The following GSR variants were observed in gnomAD, a reference collection of about 807,000 sequenced individuals.
The protein encoded by GSR is glutathione reductase, mitochondrial.
In GSR, 48 loss-of-function variants were observed where a neutral mutation model predicts 56.5. The ratio of observed to expected loss-of-function variants is 0.85; its 90% CI spans 0.67 to 1.08. The LOEUF is 1.08. Ranked by LOEUF, GSR falls within the 50% of genes least tolerant of loss-of-function variation. The pLI, the probability that GSR is intolerant of heterozygous loss-of-function variation, is 0.00. For missense variants in GSR, 694 were observed against 703.3 expected (o/e 0.99, Z 0.15); for synonymous variants, 264 against 270.8 (o/e 0.97, Z 0.25).
At chr8:30,708,180 T>G (rs773895765) in intron 3 of GSR, 39 bp from the exon 4 acceptor site, 18 of 1,440,120 alleles carry the variant, frequency 1.2e-5, no homozygotes, top group Non-Finnish European at 1.8e-5. Context: ...AAACAGGATC[T>G]TCCCCTTCTA....
chr8:30,687,873 C>A (rs1431525479), intron 9 of GSR, among the ~76,000 whole-genome samples: 1 of 152,054 alleles, frequency 6.6e-6, no homozygotes, highest in Non-Finnish European at 1.5e-5. Context: ...TTCTGTATAA[C>A]CCAATGAGGC....
chr8:30,683,996 T>C (rs552313104), intron 10 of GSR, 92 bp downstream of exon 10: 2 of 788,328 alleles, frequency 2.5e-6, no homozygotes, highest in Non-Finnish European at 4.7e-6. Context: ...CCTTTTAACT[T>C]TGCTTAAGCA....
In GSR at chr8:30,689,193, G is replaced by A. The variant is rs924461400; in HGVS notation, c.1009C>T (p.Pro337Ser). Reference sequence around the variant, plus strand: ...TTTAAACTCAGGTCCTTGGTATTCGGGACCCGCCCAATGGCCCAGAGCAGG... The same window carrying A: ...TTTAAACTCAGGTCCTTGGTATTCGAGACCCGCCCAATGGCCCAGAGCAGG... ...DCLLWAIGRVPNTKDLSLNKL... is the reference protein window; with the variant it reads ...DCLLWAIGRVSNTKDLSLNKL... The change falls in exon 9 of 13, where the codon CCG becomes TCG. Residue 337 changes from proline (P) to serine (S), a missense_variant. Transcript: ENST00000221130. 22 of 1,613,948 alleles carry A rather than the reference G, an allele frequency of 1.4e-5. No individual in the cohort carries two copies. The highest frequency in any genetic ancestry group is 3.3e-5 in the Admixed American group (2 of 59,982).
At chr8:30,723,956 C>T (rs1039089439) in intron 1 of GSR, among the ~76,000 whole-genome samples, 1 of 152,130 alleles carries the variant, frequency 6.6e-6, no homozygotes, top group Non-Finnish European at 1.5e-5. Context: ...TGTAAATGAC[C>T]ACTGCTAGAC....
In GSR at chr8:30,703,097, G is replaced by C; in HGVS notation, c.636C>G (p.Ile212Met). ...AGTACCTGTTGTATGACTCACCGGGGATCTGGCTCTCATGAGGGGTGGAGG... is the reference window on the plus strand; with the variant it reads ...AGTACCTGTTGTATGACTCACCGGGCATCTGGCTCTCATGAGGGGTGGAGG... ...GMPSTPHESQ[I>M]PGASLGITSD... Residue 212 changes from isoleucine to methionine, a missense_variant, in exon 5 of 13, where the codon ATC becomes ATG. By Grantham distance (10) the Ile-to-Met change is conservative. Transcript: ENST00000221130. 3.1e-6 allele frequency: 5 copies of C among 1,614,038 alleles called. No individual in the cohort carries two copies.
At chr8:30,721,027 T>C (rs1341102554) in intron 1 of GSR, among the ~76,000 whole-genome samples, 3 of 152,146 alleles carry the variant, frequency 2.0e-5, no homozygotes, top group African/African-American at 4.8e-5. Context: ...ACCCAGGATA[T>C]TGAGGCTGCA....
rs945856881 is a variant in GSR, at chr8:30,703,179, T to A, written c.554A>T (p.Glu185Val). ...GGCGGTGTACTTTTTCCCACTGACC[T>A]CTATTGTGGGCTTGGGATCACTCGT... The part of the protein sequence containing the change: ...AFTSDPKPTI[E>V]VSGKKYTAPH... Residue 185 changes from glutamate to valine, a missense_variant, in exon 5 of 13, where the codon GAG becomes GTG. Glu to Val is a moderately radical substitution (Grantham distance 121). Transcript: ENST00000221130. The A allele has an allele frequency of 6.2e-7, 1 of 1,613,670 alleles. No homozygotes were observed.
intron 1 of GSR, among the ~76,000 whole-genome samples, chr8:30,724,982 G>A (rs966982552): frequency 2.6e-5 from 4 of 152,226 alleles, no homozygotes; most frequent in African/African-American, 9.6e-5. Context: ...AGGAAAAGCA[G>A]TATTTGTGTG....
chr8:30,717,510 C>A (rs899995292), intron 1 of GSR, among the ~76,000 whole-genome samples: 3 of 152,038 alleles, frequency 2.0e-5, no homozygotes, highest in Non-Finnish European at 2.9e-5. Flanking sequence ...AGCTGCTCCC[C>A]GTCGCTAGCA....
rs1802821891 is a variant in GSR, at chr8:30,678,457, C to G, written c.*1063G>C. On this transcript the variant is annotated 3_prime_UTR_variant, in exon 13 of 13. Coordinates refer to ENST00000221130, the MANE Select transcript of GSR (RefSeq NM_000637.5). ...TCACTGCAGCCTCACCTCACCCAAG[C>G]TCAAGTGATCCTCTCACCTCAGCCT... 1 of 150,722 alleles carries G rather than the reference C, an allele frequency of 6.6e-6. No individual in the cohort carries two copies. Among genetic ancestry groups the G allele is most frequent in the South Asian group, 2.1e-4 (1 of 4,770 alleles). The allele number at this position is 150,722 out of a possible 1,614,324, so 9.3% of individuals were successfully genotyped here. A position where few individuals can be genotyped will look rare whatever the true frequency, so the allele number is the denominator to read the frequency against.
chr8:30,725,374 A>G (rs1247555314), intron 1 of GSR, among the ~76,000 whole-genome samples: 1 of 151,420 alleles, frequency 6.6e-6, no homozygotes, highest in East Asian at 1.9e-4. Context: ...TCACAAGGTC[A>G]GGAGTTCAAG....
rs563771371 is a variant in GSR, at chr8:30,710,514, C to T, written c.334-612G>A. On this transcript the variant is annotated intron_variant, in intron 2 of 12. Transcript: ENST00000221130. The stretch of plus-strand genomic sequence containing the variant: ...GGTAGATCACTTGAGGTCAGGAGTT[C>T]GAGACCATCTTGGCCAACATGGTGA... Among the ~76,000 whole-genome samples the T allele has an allele frequency of 4.6e-5, 7 of 150,618 alleles. No individual in the cohort carries two copies. In the East Asian group the frequency reaches 1.2e-3, roughly 25 times the overall value.
chr8:30,680,793 G>C (rs1802925514), intron 12 of GSR, 111 bp downstream of exon 12: 1 of 951,278 alleles, frequency 1.1e-6, no homozygotes, highest in Admixed American at 1.7e-5. Context: ...GGCCTGTCCA[G>C]TTGAATCAGA....
At chr8:30,703,037 T>C in intron 5 of GSR, 56 bp downstream of exon 5, 1 of 1,570,724 alleles carries the variant, frequency 6.4e-7, no homozygotes, top group Non-Finnish European at 8.8e-7. Flanking sequence ...CTTTTCAGGT[T>C]GAAAGCAACA....
chr8:30,713,127 C>A (rs1401960038), intron 1 of GSR, among the ~76,000 whole-genome samples: 1 of 152,060 alleles, frequency 6.6e-6, no homozygotes, highest in African/African-American at 2.4e-5. Flanking sequence ...AACTCCACCT[C>A]CCAGATTCAA....
chr8:30,712,140 A>G, intron 1 of GSR, 52 bp from the exon 2 acceptor site: 1 of 1,004,590 alleles, frequency 1.0e-6, no homozygotes, highest in Non-Finnish European at 1.6e-6. Flanking sequence ...TCAAACCATC[A>G]AACGAAATCT....
At chr8:30,689,991 T>C (rs1226553115) in intron 8 of GSR, among the ~76,000 whole-genome samples, 2 of 114,920 alleles carry the variant, frequency 1.7e-5, no homozygotes, top group Non-Finnish European at 3.8e-5. Flanking sequence ...TGTATATATA[T>C]GTATATTTAT....
At chr8:30,703,723 G>T (rs1803825541) in intron 4 of GSR, among the ~76,000 whole-genome samples, 1 of 150,824 alleles carries the variant, frequency 6.6e-6, no homozygotes. Flanking sequence ...CTCCAGCCTG[G>T]ATGACAAAGT....
chr8:30,679,986 T>C (rs192686303), intron 12 of GSR, among the ~76,000 whole-genome samples: 60 of 152,112 alleles, frequency 3.9e-4, no homozygotes, highest in Admixed American at 3.5e-3. Context: ...ATTACAGGGG[T>C]GAGCCACGGT....
Sources: allele counts gnomAD v4.1 joint callset (sites outside exome capture counted in the v4.1 genomes callset), GRCh38; gene constraint gnomAD v4.1.1; transcripts MANE v1.5; gene names NCBI Gene and HGNC (gene_info 2026-07-23, HGNC 2026-07-21).